MAPK10: variants seen among roughly 807,000 people sequenced by gnomAD.
MAPK10 encodes the protein mitogen-activated protein kinase 10.
Under a neutral mutation model 59.3 loss-of-function variants are expected in MAPK10, and 25 were observed. The observed-to-expected ratio is 0.42, with a 90% CI of 0.31 to 0.59. The LOEUF is 0.59. Among genes scored for constraint, MAPK10 ranks in the 20% least tolerant of loss-of-function variants. The probability of loss-of-function intolerance (pLI) is 0.15; values close to 1 mark genes in which losing one functional copy is unlikely to be tolerated. For synonymous variants in MAPK10, 190 were observed against 200.5 expected (o/e 0.95, Z 0.44); for missense variants, 351 against 568.9 (o/e 0.62, Z 3.90).
intron 2 of MAPK10, among the ~76,000 whole-genome samples, chr4:86,250,399 A>C (rs1214346086): frequency 6.6e-6 from 1 of 152,208 alleles, no homozygotes; most frequent in Admixed American, 6.5e-5. Flanking sequence ...ATTTTAAACA[A>C]CATTAACAGA....
chr4:86,340,819 C>T (rs1724472856), intron 2 of MAPK10, among the ~76,000 whole-genome samples: 1 of 152,138 alleles, frequency 6.6e-6, no homozygotes, highest in South Asian at 2.1e-4. Flanking sequence ...GAGAAAGACT[C>T]AATACTAGAA....
At chr4:86,210,275 T>C (rs961480537) in intron 2 of MAPK10, among the ~76,000 whole-genome samples, 3 of 151,584 alleles carry the variant, frequency 2.0e-5, no homozygotes, top group African/African-American at 7.3e-5. Context: ...AATAGACAAA[T>C]AGGATAACAA....
At chr4:86,545,543 T>C (rs1759082132) in intron 1 of MAPK10, among the ~76,000 whole-genome samples, 1 of 152,132 alleles carries the variant, frequency 6.6e-6, no homozygotes, top group South Asian at 2.1e-4. Context: ...ATGCAGGAAA[T>C]GGAAAAGGGG....
rs2095971598 is a variant in MAPK10 at position 86,324,316 on chromosome 4, C to T, written c.-7+30214G>A. Among the ~76,000 whole-genome samples the T allele has an allele frequency of 3.3e-5, 5 of 151,966 alleles. No homozygotes were observed. The South Asian group carries it at 1.0e-3, about 32-fold the overall frequency. On this transcript the variant is annotated intron_variant, in intron 2 of 13. Transcript: ENST00000641462. The stretch of plus-strand genomic sequence containing the variant: ...ATCCCAGCTACTCGGGAGGCTGAGG[C>T]AGGAGAATCATTTGAACCCAGGAGG...
chr4:86,301,891 C>CA (rs1309676064), intron 2 of MAPK10, among the ~76,000 whole-genome samples: 1 of 152,136 alleles, frequency 6.6e-6, no homozygotes, highest in African/African-American at 2.4e-5. Context: ...TTTTAAATAG[C>CA]AAAAACTGCT....
intron 2 of MAPK10, among the ~76,000 whole-genome samples, chr4:86,346,737 A>G (rs1728464617): frequency 1.3e-4 from 2 of 15,684 alleles, no homozygotes; most frequent in Admixed American, 1.5e-3. Context: ...TGTTTGGAAA[A>G]AAAAAAAAAA....
rs149441739 is a variant in MAPK10 at position 86,284,357 on chromosome 4, A to G, written c.-7+70173T>C. 4.5e-4 allele frequency among the ~76,000 whole-genome samples: 68 copies of G among 152,322 alleles called. 1 individual carries two copies. Among genetic ancestry groups the G allele is most frequent in the African/African-American group, 1.5e-3 (64 of 41,572 alleles). ...CTACTTCCTTAGCAGAGAGCTGCGC[A>G]TGCTCGGTCCATTCCTTGCCTGGGA... is the stretch of plus-strand genomic sequence containing the variant. On this transcript the variant is annotated intron_variant, in intron 2 of 13. Coordinates refer to ENST00000641462, the MANE Select transcript of MAPK10 (RefSeq NM_138982.4).
At chr4:86,035,228 G>A (rs1048653689) in intron 11 of MAPK10, among the ~76,000 whole-genome samples, 13 of 151,708 alleles carry the variant, frequency 8.6e-5, no homozygotes, top group South Asian at 8.4e-4. Flanking sequence ...AAAATTAGCC[G>A]GGCATGGTGG....
At chr4:86,551,574 C>CTT (rs1050746301) in intron 1 of MAPK10, among the ~76,000 whole-genome samples, 2 of 135,044 alleles carry the variant, frequency 1.5e-5, no homozygotes, top group African/African-American at 5.2e-5. Flanking sequence ...TTCTCTCTTT[C>CTT]TTTCTCTCTC....
At chr4:86,212,242 G>T (rs1280109874) in intron 2 of MAPK10, among the ~76,000 whole-genome samples, 1 of 152,136 alleles carries the variant, frequency 6.6e-6, no homozygotes, top group East Asian at 1.9e-4. Flanking sequence ...GAAAGTCAGA[G>T]GATGGAAAAA....
chr4:86,158,610 TTTATA>T (rs2068567627), intron 4 of MAPK10, among the ~76,000 whole-genome samples: 1 of 151,836 alleles, frequency 6.6e-6, no homozygotes, highest in African/African-American at 2.4e-5. Context: ...TACTAATAAG[TTTATA>T]TTAAATACAT....
intron 1 of MAPK10, among the ~76,000 whole-genome samples, chr4:86,440,598 A>G (rs1245325014): frequency 6.6e-6 from 1 of 151,658 alleles, no homozygotes; most frequent in Non-Finnish European, 1.5e-5. Context: ...ACTGCACTCA[A>G]GCCTGGGTGA....
intron 1 of MAPK10, among the ~76,000 whole-genome samples, chr4:86,432,107 C>A (rs1186435419): frequency 6.6e-6 from 1 of 152,216 alleles, no homozygotes; most frequent in South Asian, 2.1e-4. Flanking sequence ...GAGAAGAAAG[C>A]CTAATGGTGG....
chr4:86,198,193 T>C (rs1327179687), intron 2 of MAPK10, among the ~76,000 whole-genome samples: 3 of 152,090 alleles, frequency 2.0e-5, no homozygotes, highest in South Asian at 2.1e-4. Flanking sequence ...CCTTGAAAGA[T>C]AGAGGTAGTG....
At position 86,067,768 on chromosome 4, in the gene MAPK10, C is replaced by CA. The variant is rs771276060; in HGVS notation, c.985+4dup. 1 of 1,606,180 alleles carries CA rather than the reference C, an allele frequency of 6.2e-7. No individual in the cohort carries two copies. Among genetic ancestry groups the CA allele is most frequent in the Admixed American group, 1.7e-5 (1 of 59,436 alleles). Reference sequence around the variant, plus strand: ...TTGTCCTCAAGTCATTCCTGAAGGGCATACCTTTGAGTTTATTGTGCTCGG... The same window carrying CA: ...TTGTCCTCAAGTCATTCCTGAAGGGCAATACCTTTGAGTTTATTGTGCTCGG... On this transcript the variant is annotated splice_donor_region_variant and intron_variant, in intron 10 of 13. Coordinates refer to ENST00000641462, the MANE Select transcript of MAPK10 (RefSeq NM_138982.4).
chr4:86,429,866 C>T (rs1442276325), intron 1 of MAPK10: 1 of 150,708 alleles, frequency 6.6e-6, no homozygotes, highest in Non-Finnish European at 1.5e-5. Flanking sequence ...CTGATACTCA[C>T]ATATGTGTTT....
intron 1 of MAPK10, among the ~76,000 whole-genome samples, chr4:86,502,202 C>A (rs183454816): frequency 4.8e-4 from 73 of 152,042 alleles, no homozygotes; most frequent in African/African-American, 1.6e-3. Context: ...CATACATTTA[C>A]AACTTGGATG....
intron 1 of MAPK10, among the ~76,000 whole-genome samples, chr4:86,382,476 CTGTT>C (rs1240101435): frequency 2.0e-5 from 3 of 152,158 alleles, no homozygotes; most frequent in Admixed American, 2.0e-4. Flanking sequence ...TTTTATGTGT[CTGTT>C]TATGTTTAAT....
chr4:86,086,352 A>C (rs540970176), intron 9 of MAPK10, among the ~76,000 whole-genome samples: 66 of 152,286 alleles, frequency 4.3e-4, no homozygotes, highest in African/African-American at 1.5e-3. Flanking sequence ...CAACAGGGTG[A>C]CTACAGTAAA....
Sources: allele counts gnomAD v4.1 joint callset (sites outside exome capture counted in the v4.1 genomes callset), GRCh38; gene constraint gnomAD v4.1.1; transcripts MANE v1.5; gene names NCBI Gene and HGNC (gene_info 2026-07-23, HGNC 2026-07-21).